The following CASC3 variants were observed in gnomAD, a reference collection of about 807,000 sequenced individuals.
The protein encoded by CASC3 is CASC3 exon junction complex subunit, also known as protein CASC3.
Under a neutral mutation model 80.5 loss-of-function variants are expected in CASC3, and 30 were observed. The ratio of observed to expected loss-of-function variants is 0.37; its 90% CI spans 0.28 to 0.51. The LOEUF is 0.51. Ranked by LOEUF, CASC3 falls within the 20% of genes least tolerant of loss-of-function variation. The pLI is 0.94. For missense variants in CASC3, 824 were observed against 922.2 expected, an observed-to-expected ratio of 0.89 and a Z score of 1.38; for synonymous variants, 312 against 333.6, an observed-to-expected ratio of 0.94 and a Z score of 0.70.
intron 11 of CASC3, 117 bp from the exon 12 acceptor site, chr17:40,169,207 A>T: frequency 3.7e-6 from 4 of 1,076,830 alleles, no homozygotes; most frequent in Non-Finnish European, 5.1e-6. Context: ...GGCAGATTAG[A>T]TATTTTTAAA....
intron 3 of CASC3, among the ~76,000 whole-genome samples, chr17:40,158,072 C>T (rs1011072168): frequency 2.0e-5 from 3 of 152,058 alleles, no homozygotes; most frequent in African/African-American, 4.8e-5. Flanking sequence ...AAAAAATTTG[C>T]GTAGAAGTGG....
At chr17:40,153,305 T>C (rs1040367099) in intron 3 of CASC3, among the ~76,000 whole-genome samples, 13 of 152,178 alleles carry the variant, frequency 8.5e-5, no homozygotes, top group African/African-American at 3.1e-4. Flanking sequence ...CCATTTGTTG[T>C]CACAAATGTC....
At position 40,171,719 on chromosome 17, in the gene CASC3, A is replaced by G; in HGVS notation, c.*1314A>G. 1.8e-6 allele frequency: 2 copies of G among 1,118,444 alleles called. No individual in the cohort carries two copies. Among genetic ancestry groups the G allele is most frequent in the Non-Finnish European group, 2.2e-6 (2 of 906,034 alleles). The allele number at this position is 1,118,444 out of a possible 1,614,324, so 69.3% of individuals were successfully genotyped here. A position where few individuals can be genotyped will look rare whatever the true frequency, so the allele number is the denominator to read the frequency against. On this transcript the variant is annotated 3_prime_UTR_variant, in exon 14 of 14. Transcript: ENST00000264645. ...GCAGTACATACGTCTGCCAGGGGTAACCTGGCCACTGTCCCTGTCCTTCTA... is the reference window on the plus strand; with the variant it reads ...GCAGTACATACGTCTGCCAGGGGTAGCCTGGCCACTGTCCCTGTCCTTCTA...
At chr17:40,155,858 T>C (rs1989133645) in intron 3 of CASC3, among the ~76,000 whole-genome samples, 1 of 152,200 alleles carries the variant, frequency 6.6e-6, no homozygotes, top group Non-Finnish European at 1.5e-5. Flanking sequence ...CAAAGCAGTG[T>C]GACCGTGTGG....
chr17:40,146,650 G>A lies in CASC3; in HGVS notation c.297+5043G>A, dbSNP rs1174982464. On this transcript the variant is annotated intron_variant, in intron 3 of 13. Transcript: ENST00000264645. ...AGACGGGGTTTCATCATGTTGGACA[G>A]GCTGGTCTTGAACTCTTGACCTGGT... Among the ~76,000 whole-genome samples, 7 of 151,372 alleles carry A rather than the reference G, an allele frequency of 4.6e-5. No individual in the cohort carries two copies. In the East Asian group the frequency reaches 1.2e-3, roughly 25 times the overall value.
intron 3 of CASC3, among the ~76,000 whole-genome samples, chr17:40,158,059 GA>G (rs1178918368): frequency 6.6e-6 from 1 of 151,974 alleles, no homozygotes; most frequent in East Asian, 1.9e-4. Context: ...AACTTCTATT[GA>G]AAAAAAATTT....
Position 40,171,338 on chromosome 17 carries a change from T to C in CASC3, c.*933T>C. The C allele has an allele frequency of 1.0e-6, 1 of 986,074 alleles. No homozygotes were observed. The highest frequency in any genetic ancestry group is 1.2e-6 in the Non-Finnish European group (1 of 830,006). The allele number at this position is 986,074 out of a possible 1,614,324, so 61.1% of individuals were successfully genotyped here. A position where few individuals can be genotyped will look rare whatever the true frequency, so the allele number is the denominator to read the frequency against. ...ACATAGTCCTCAGGGCTCAGTCTTTTGAGGTAAGTGGAATTAGAGGGCCTT... is the reference window on the plus strand; with the variant it reads ...ACATAGTCCTCAGGGCTCAGTCTTTCGAGGTAAGTGGAATTAGAGGGCCTT... On this transcript the variant is annotated 3_prime_UTR_variant, in exon 14 of 14. Coordinates refer to ENST00000264645, the MANE Select transcript of CASC3 (RefSeq NM_007359.5).
chr17:40,170,820 C>T lies in CASC3; in HGVS notation c.*415C>T, dbSNP rs558491908. The stretch of plus-strand genomic sequence containing the variant: ...TCATTTTTAAAGCCTGGCTTCTTAT[C>T]CTTAATATTATTTTAATTTTTTCTC... On this transcript the variant is annotated 3_prime_UTR_variant, in exon 14 of 14. Coordinates refer to ENST00000264645, the MANE Select transcript of CASC3 (RefSeq NM_007359.5). 314 of 984,772 alleles carry T rather than the reference C, an allele frequency of 3.2e-4. 2 individuals are homozygous for T. In the South Asian group the frequency reaches 0.011, roughly 36 times the overall value. 61.0% of individuals were successfully genotyped at this position (984,772 alleles called of 1,614,324 possible). A position where few individuals can be genotyped will look rare whatever the true frequency, so the allele number is the denominator to read the frequency against.
chr17:40,168,760 T>C (rs2145184431), intron 11 of CASC3: 1 of 304,394 alleles, frequency 3.3e-6, no homozygotes, highest in African/African-American at 2.2e-5. Flanking sequence ...CGGCTAGTTT[T>C]TGTATTTCTA....
chr17:40,167,843 CT>C lies in CASC3; in HGVS notation c.1652-5del. The stretch of plus-strand genomic sequence containing the variant: ...GTTTATGAGAGTCCCAATGTGATAT[CT>C]TACAGTGCAGTTCCAGGGACCAATC... On this transcript the variant is annotated splice_polypyrimidine_tract_variant and splice_region_variant and intron_variant, in intron 9 of 13. Coordinates refer to ENST00000264645, the MANE Select transcript of CASC3 (RefSeq NM_007359.5). The C allele has an allele frequency of 6.2e-7, 1 of 1,611,286 alleles. No individual in the cohort carries two copies.
At chr17:40,169,742 CTTTTTTTTTTTTT>C (rs56186811) in intron 13 of CASC3, 80 bp downstream of exon 13, 23 of 96,494 alleles carry the variant, frequency 2.4e-4, no homozygotes, top group East Asian at 1.6e-3. Flanking sequence ...TTAATTAATG[CTTTTTTTTTTTTT>C]TTTTTTTTTT....
Position 40,141,713 on chromosome 17 carries a change from G to C in CASC3, c.297+106G>C, listed in dbSNP as rs1598417882. On this transcript the variant is annotated intron_variant, in intron 3 of 13. Coordinates refer to ENST00000264645, the MANE Select transcript of CASC3 (RefSeq NM_007359.5). The stretch of plus-strand genomic sequence containing the variant: ...CCATGACCTCCGTGTTTATCCTCTT[G>C]TGTATTCTTCATTTATGCTTCTGAA... 5 of 858,466 alleles carry C rather than the reference G, an allele frequency of 5.8e-6. No individual in the cohort carries two copies. The East Asian group carries it at 1.2e-4, about 21-fold the overall frequency. The allele number at this position is 858,466 out of a possible 1,614,324, so 53.2% of individuals were successfully genotyped here. A position where few individuals can be genotyped will look rare whatever the true frequency, so the allele number is the denominator to read the frequency against.
chr17:40,161,833 A>C lies in CASC3; in HGVS notation c.378A>C (p.Ser126=). 6.2e-7 allele frequency: 1 copy of C among 1,614,210 alleles called. No individual in the cohort carries two copies. Among genetic ancestry groups the C allele is most frequent in the Non-Finnish European group, 8.5e-7 (1 of 1,180,014 alleles). The part of the protein sequence containing the change: ...KSEANDAVNS[S]TKEEKGEEKP... ...AAGCTAATGATGCTGTTAATTCTTC[A>C]ACAAAAGAAGAGAAGGGAGAAGAAA... The change falls in exon 4 of 14, where the codon TCA becomes TCC. Residue 126 remains serine, a synonymous_variant. Coordinates refer to ENST00000264645, the MANE Select transcript of CASC3 (RefSeq NM_007359.5).
intron 8 of CASC3, chr17:40,167,124 G>T (rs550246538): frequency 7.9e-6 from 4 of 506,010 alleles, no homozygotes; most frequent in African/African-American, 6.0e-5. Context: ...ATCATGCCCA[G>T]CTAATTTTTG....
chr17:40,141,386 A>C, intron 2 of CASC3, 152 bp downstream of exon 2: 1 of 856,614 alleles, frequency 1.2e-6, no homozygotes. Context: ...CATAGGCTTT[A>C]GCAGTATAGT....
chr17:40,156,150 T>G (rs1437557767), intron 3 of CASC3, among the ~76,000 whole-genome samples: 2 of 152,034 alleles, frequency 1.3e-5, no homozygotes, highest in African/African-American at 4.8e-5. Flanking sequence ...TAATTTCTGC[T>G]TGAAAATCTT....
At chr17:40,157,348 A>G (rs1415960444) in intron 3 of CASC3, among the ~76,000 whole-genome samples, 5 of 146,558 alleles carry the variant, frequency 3.4e-5, no homozygotes, top group South Asian at 4.2e-4. Context: ...GTCTCAAATA[A>G]ATAAATAAAT....
chr17:40,147,874 G>A (rs1473841035), intron 3 of CASC3, among the ~76,000 whole-genome samples: 1 of 152,006 alleles, frequency 6.6e-6, no homozygotes, highest in African/African-American at 2.4e-5. Context: ...TCATTTTTGA[G>A]TTTTTCCAAT....
Position 40,171,047 on chromosome 17 carries a change from G to GT in CASC3, c.*643dup, listed in dbSNP as rs2059236366. ...GCATTTGTTATCCTCTTGTATACTT[G>GT]TATTCCCTTAACTCTAACCCTGTGG... On this transcript the variant is annotated 3_prime_UTR_variant, in exon 14 of 14. Transcript: ENST00000264645. The GT allele has an allele frequency of 2.0e-6, 2 of 985,406 alleles. No homozygotes were observed. Among genetic ancestry groups the GT allele is most frequent in the Non-Finnish European group, 1.2e-6 (1 of 829,928 alleles). The allele number at this position is 985,406 out of a possible 1,614,324, so 61.0% of individuals were successfully genotyped here.
Sources: allele counts gnomAD v4.1 joint callset (sites outside exome capture counted in the v4.1 genomes callset), GRCh38; gene constraint gnomAD v4.1.1; transcripts MANE v1.5; gene names NCBI Gene and HGNC (gene_info 2026-07-23, HGNC 2026-07-21).